The following MTUS2 variants were observed in gnomAD, a reference collection of about 807,000 sequenced individuals.
MTUS2 encodes the protein microtubule associated scaffold protein 2, also known as microtubule-associated tumor suppressor candidate 2.
A neutral mutation model predicts 114.1 loss-of-function variants in MTUS2; 40 were observed. The observed-to-expected ratio is 0.35, with a 90% CI of 0.27 to 0.46. MTUS2 has a LOEUF of 0.46. Ranked by LOEUF, MTUS2 falls within the 20% of genes least tolerant of loss-of-function variation. The probability of loss-of-function intolerance (pLI) is 1.00; values close to 1 mark genes in which losing one functional copy is unlikely to be tolerated. For synonymous variants in MTUS2, 688 were observed against 672.0 expected (o/e 1.02, Z -0.37); for missense variants, 1,679 against 1,705.4 (o/e 0.98, Z 0.27).
intron 5 of MTUS2, among the ~76,000 whole-genome samples, chr13:29,195,649 A>C (rs748540928): frequency 6.6e-6 from 1 of 151,908 alleles, no homozygotes; most frequent in Non-Finnish European, 1.5e-5. Flanking sequence ...GGAAAGCCAG[A>C]CGCCCTGTGG....
At chr13:29,384,102 A>C (rs1431273076) in intron 8 of MTUS2, among the ~76,000 whole-genome samples, 1 of 152,238 alleles carries the variant, frequency 6.6e-6, no homozygotes, top group African/African-American at 2.4e-5. Context: ...GGGAGAAAAA[A>C]AATCTGTAGT....
chr13:29,233,839 A>G (rs1896431225), intron 5 of MTUS2, among the ~76,000 whole-genome samples: 1 of 152,196 alleles, frequency 6.6e-6, no homozygotes, highest in Non-Finnish European at 1.5e-5. Flanking sequence ...AGTCATTCCC[A>G]TTTCAGAAGG....
chr13:29,480,212 G>C lies in MTUS2; in HGVS notation c.3247G>C (p.Glu1083Gln), dbSNP rs576374624. Residue 1083 changes from glutamate to glutamine, a missense_variant, in exon 10 of 16, where the codon GAG becomes CAG. By Grantham distance (29) the Glu-to-Gln change is conservative. Transcript: ENST00000612955. The surrounding 1 kb of genome is among the most constrained non-coding windows in gnomAD (Gnocchi z 4.4). ...GAAGGAGGAGCTGGAGAGGCGGTTCGAGGACGAGGTGAAGAGGCTGGGCTG... is the reference window on the plus strand; with the variant it reads ...GAAGGAGGAGCTGGAGAGGCGGTTCCAGGACGAGGTGAAGAGGCTGGGCTG... ...KEKEELERRF[E>Q]DEVKRLGWQQ... 718 of 1,555,354 alleles carry C rather than the reference G, an allele frequency of 4.6e-4. 1 individual carries two copies. Among genetic ancestry groups the C allele is most frequent in the South Asian group, 8.7e-4 (73 of 84,300 alleles).
At chr13:29,493,009 G>T (rs191964669) in intron 12 of MTUS2, among the ~76,000 whole-genome samples, 72 of 152,318 alleles carry the variant, frequency 4.7e-4, no homozygotes, top group Non-Finnish European at 7.3e-5. Context: ...GTGTGGTCTG[G>T]AGTATCCAAG....
chr13:29,236,484 A>G (rs773709449), intron 5 of MTUS2, among the ~76,000 whole-genome samples: 3 of 152,238 alleles, frequency 2.0e-5, no homozygotes, highest in Non-Finnish European at 4.4e-5. Context: ...GTGGAACACT[A>G]ATTTTTCCTA....
chr13:28,873,930 G>A (rs1331950083), intron 2 of MTUS2, among the ~76,000 whole-genome samples: 1 of 152,146 alleles, frequency 6.6e-6, no homozygotes, highest in Non-Finnish European at 1.5e-5. Context: ...ATTTGGTAAT[G>A]TTATCCTGCT....
intron 5 of MTUS2, among the ~76,000 whole-genome samples, chr13:29,253,000 T>A (rs1897175086): frequency 6.6e-6 from 1 of 151,974 alleles, no homozygotes; most frequent in African/African-American, 2.4e-5. Flanking sequence ...ATTCTTCCAG[T>A]GGGTAACCTA....
intron 8 of MTUS2, among the ~76,000 whole-genome samples, chr13:29,361,107 C>T (rs1290751619): frequency 6.6e-6 from 1 of 152,184 alleles, no homozygotes; most frequent in Non-Finnish European, 1.5e-5. Flanking sequence ...TTATGCACTT[C>T]CATGTTCCAG....
At chr13:28,832,831 T>G (rs1302847527) in intron 1 of MTUS2, among the ~76,000 whole-genome samples, 2 of 151,658 alleles carry the variant, frequency 1.3e-5, no homozygotes, top group Non-Finnish European at 2.9e-5. Flanking sequence ...TTTACAAATC[T>G]TTACCTAACT....
At chr13:28,848,231 A>G (rs748126668) in intron 2 of MTUS2, among the ~76,000 whole-genome samples, 7 of 152,172 alleles carry the variant, frequency 4.6e-5, no homozygotes, top group Non-Finnish European at 7.3e-5. Context: ...TTTACTATCT[A>G]TTGGTATAGC....
chr13:28,958,219 C>T (rs559177555), intron 2 of MTUS2, among the ~76,000 whole-genome samples: 11 of 152,342 alleles, frequency 7.2e-5, no homozygotes, highest in South Asian at 4.1e-4. Context: ...CTGTGATCTC[C>T]GGCTGCCCCG....
At chr13:29,175,594 C>T (rs1278092803) in intron 5 of MTUS2, among the ~76,000 whole-genome samples, 4 of 152,144 alleles carry the variant, frequency 2.6e-5, no homozygotes, top group Non-Finnish European at 4.4e-5. Context: ...CATTTGAGGG[C>T]TACAGTATTT....
chr13:29,410,039 C>T (rs1023566685), intron 8 of MTUS2, among the ~76,000 whole-genome samples: 8 of 151,916 alleles, frequency 5.3e-5, no homozygotes, highest in Non-Finnish European at 1.0e-4. Flanking sequence ...AATTCGCCTA[C>T]AAAAAATTGG....
At chr13:29,319,584 G>GTA (rs1187294441) in intron 6 of MTUS2, among the ~76,000 whole-genome samples, 1 of 152,176 alleles carries the variant, frequency 6.6e-6, no homozygotes, top group Admixed American at 6.5e-5. Flanking sequence ...AGGATACTGT[G>GTA]TAACACCAGA....
At chr13:29,005,300 G>T (rs1334221878) in intron 2 of MTUS2, among the ~76,000 whole-genome samples, 1 of 152,168 alleles carries the variant, frequency 6.6e-6, no homozygotes, top group African/African-American at 2.4e-5. Flanking sequence ...AGTTCTTAGG[G>T]GAAGTAGTGC....
intron 8 of MTUS2, among the ~76,000 whole-genome samples, chr13:29,431,214 G>A (rs1566196166): frequency 6.6e-6 from 1 of 152,046 alleles, no homozygotes; most frequent in Admixed American, 6.6e-5. Flanking sequence ...AATTTATTAG[G>A]GGAAACTGGA....
At chr13:29,285,478 G>A (rs879734845) in intron 6 of MTUS2, among the ~76,000 whole-genome samples, 18 of 152,154 alleles carry the variant, frequency 1.2e-4, no homozygotes, top group Admixed American at 2.0e-4. Context: ...CAGACTTTAC[G>A]AACTGTCCAG....
At chr13:29,440,194 G>A in intron 9 of MTUS2, 145 bp downstream of exon 9, 1 of 763,818 alleles carries the variant, frequency 1.3e-6, no homozygotes, top group Non-Finnish European at 2.1e-6. Context: ...CACAGTGGTG[G>A]GCTGCTGTAG....
At chr13:28,830,252 A>G (rs1874573728) in intron 1 of MTUS2, among the ~76,000 whole-genome samples, 2 of 152,180 alleles carry the variant, frequency 1.3e-5, no homozygotes, top group Admixed American at 1.3e-4. Context: ...TAAAATTTCC[A>G]CACACACAAG....
Sources: gnomAD v4.1 joint callset for allele counts (sites outside exome capture counted in the v4.1 genomes callset) on GRCh38, gnomAD v4.1.1 for gene constraint, Gnocchi (gnomAD v3.1) non-coding constraint, MANE v1.5 for transcripts, NCBI Gene and HGNC (gene_info 2026-07-23, HGNC 2026-07-21) for gene names.